The following ADCY9 variants were observed in gnomAD, a reference collection of about 807,000 sequenced individuals.
The protein encoded by ADCY9 is adenylate cyclase type 9.
Under a neutral mutation model 101.5 loss-of-function variants are expected in ADCY9, and 50 were observed. That is an observed-to-expected ratio of 0.49 (90% CI 0.39 to 0.62). ADCY9 has a LOEUF of 0.62. Ranked by LOEUF, ADCY9 falls within the 20% of genes least tolerant of loss-of-function variation. The probability of loss-of-function intolerance (pLI) is 0.00; values close to 1 mark genes in which losing one functional copy is unlikely to be tolerated. For missense variants in ADCY9, 1,662 were observed against 1,800.4 expected (o/e 0.92, Z 1.39); for synonymous variants, 905 against 769.3 (o/e 1.18, Z -2.92).
intron 2 of ADCY9, among the ~76,000 whole-genome samples, chr16:4,079,426 G>A (rs2056888073): frequency 6.6e-6 from 1 of 152,104 alleles, no homozygotes; most frequent in Admixed American, 6.5e-5. Flanking sequence ...AAAATTAGCT[G>A]GGTGTGGTGG....
chr16:4,060,774 G>A (rs1295904853), intron 2 of ADCY9, among the ~76,000 whole-genome samples: 7 of 152,070 alleles, frequency 4.6e-5, no homozygotes, highest in African/African-American at 7.2e-5. Context: ...TTGCTACAAC[G>A]TATTAACTAA....
At chr16:4,026,538 C>G (rs76593010) in intron 2 of ADCY9, among the ~76,000 whole-genome samples, 2 of 151,890 alleles carry the variant, frequency 1.3e-5, no homozygotes, top group African/African-American at 2.4e-5. Flanking sequence ...AAACGCTGTA[C>G]GCAAATGTTT....
At chr16:4,101,031 G>T (rs1051027139) in intron 2 of ADCY9, among the ~76,000 whole-genome samples, 2 of 152,188 alleles carry the variant, frequency 1.3e-5, no homozygotes, top group Non-Finnish European at 1.5e-5. Context: ...TATGTGCCAA[G>T]AACTTTTCTA....
intron 7 of ADCY9, among the ~76,000 whole-genome samples, chr16:3,979,890 G>C (rs1597140941): frequency 6.6e-6 from 1 of 152,394 alleles, no homozygotes; most frequent in East Asian, 1.9e-4. Context: ...GCTACAAACA[G>C]GGTGCTCTGT....
rs1296071919 is a variant in ADCY9, at chr16:3,977,474, C to T, written c.2828+8G>A. 2 of 1,554,070 alleles carry T rather than the reference C, an allele frequency of 1.3e-6. No individual in the cohort carries two copies. The highest frequency in any genetic ancestry group is 1.7e-6 in the Non-Finnish European group (2 of 1,149,032). On this transcript the variant is annotated splice_region_variant and intron_variant, in intron 9 of 10. Coordinates refer to ENST00000294016, the MANE Select transcript of ADCY9 (RefSeq NM_001116.4). ...CCCTGGTGCCCGCAAGCAGTGCTGG[C>T]CGCGTACCTGTCTGGGCACAGGGAG...
At position 3,966,486 on chromosome 16, in the gene ADCY9, C is replaced by G. The variant is rs371159341; in HGVS notation, c.3351G>C (p.Ala1117=). Residue 1117 remains alanine (A), a synonymous_variant, in exon 11 of 11, where the codon GCG becomes GCC. Transcript: ENST00000294016. ...IKTIGATYMA[A]SGLNTAQAQD... ...GGGCCTGCGCGGTGTTCAGCCCTGA[C>G]GCCGCCATGTACGTGGCTCCGATGG... 2.5e-6 allele frequency: 4 copies of G among 1,614,114 alleles called. No individual in the cohort carries two copies. Among genetic ancestry groups the G allele is most frequent in the African/African-American group, 1.3e-5 (1 of 75,030 alleles).
chr16:4,087,841 C>T (rs2056949229), intron 2 of ADCY9, among the ~76,000 whole-genome samples: 1 of 149,534 alleles, frequency 6.7e-6, no homozygotes, highest in African/African-American at 2.5e-5. Context: ...TCCTTCCTTC[C>T]TTCTTTCTCT....
intron 6 of ADCY9, among the ~76,000 whole-genome samples, chr16:3,988,321 C>T (rs1246772145): frequency 1.3e-5 from 2 of 151,856 alleles, no homozygotes; most frequent in Non-Finnish European, 2.9e-5. Flanking sequence ...GTGAAGGCCT[C>T]CTGGGCCCTT....
At chr16:4,039,210 C>G (rs1442873758) in intron 2 of ADCY9, among the ~76,000 whole-genome samples, 1 of 152,172 alleles carries the variant, frequency 6.6e-6, no homozygotes, top group African/African-American at 2.4e-5. Context: ...ACCCCCATCT[C>G]CCATGTCCTC....
chr16:3,988,039 A>C (rs2239306), intron 6 of ADCY9, among the ~76,000 whole-genome samples: 8,249 of 150,286 alleles, frequency 0.055, 299 homozygotes, highest in East Asian at 0.17. Context: ...TGGAGGCTGT[A>C]AGGAGGGGCT....
chr16:3,982,995 T>C (rs1053438856), intron 7 of ADCY9: 12 of 560,158 alleles, frequency 2.1e-5, no homozygotes, highest in Non-Finnish European at 3.8e-5. Flanking sequence ...CTGGCAGCGG[T>C]TGGGGCTGTG....
intron 2 of ADCY9, among the ~76,000 whole-genome samples, chr16:4,095,101 C>A (rs1385559528): frequency 6.7e-6 from 1 of 150,242 alleles, no homozygotes; most frequent in Non-Finnish European, 1.5e-5. Flanking sequence ...TTACCAGGTT[C>A]AAGCGATTCT....
At chr16:4,110,189 G>A (rs755337691) in intron 2 of ADCY9, among the ~76,000 whole-genome samples, 7 of 152,194 alleles carry the variant, frequency 4.6e-5, no homozygotes, top group Admixed American at 3.9e-4. Flanking sequence ...AAGTGGGGCC[G>A]AGCCCAAGAG....
chr16:4,082,715 CACGCACACACATGCACACCCACGCATGG>C (rs946081928), intron 2 of ADCY9, among the ~76,000 whole-genome samples: 5 of 151,258 alleles, frequency 3.3e-5, no homozygotes, highest in African/African-American at 1.2e-4. Context: ...CCCACGCATG[CACGCACACACATGCACACCCACGCATGG>C]ACGCACACGC....
chr16:4,084,719 G>A (rs2056926559), intron 2 of ADCY9, among the ~76,000 whole-genome samples: 1 of 151,570 alleles, frequency 6.6e-6, no homozygotes, highest in South Asian at 2.1e-4. Flanking sequence ...GAGTGAGACT[G>A]TCTCAAAAAC....
At chr16:4,043,692 A>AAAT (rs1210825899) in intron 2 of ADCY9, among the ~76,000 whole-genome samples, 2 of 152,092 alleles carry the variant, frequency 1.3e-5, no homozygotes, top group Non-Finnish European at 2.9e-5. Flanking sequence ...TACATCTCAA[A>AAAT]AATAATAATA....
chr16:3,981,179 C>T (rs1440004983), intron 7 of ADCY9, among the ~76,000 whole-genome samples: 1 of 152,204 alleles, frequency 6.6e-6, no homozygotes, highest in African/African-American at 2.4e-5. Flanking sequence ...GGTGCAGCAG[C>T]CACCACCTTC....
chr16:4,084,867 T>C (rs17794435), intron 2 of ADCY9, among the ~76,000 whole-genome samples: 2,055 of 152,282 alleles, frequency 0.013, 43 homozygotes, highest in Middle Eastern at 0.034. Flanking sequence ...CTGTGACTTC[T>C]TAAGTAACTA....
At chr16:4,018,393 A>T (rs892394991) in intron 2 of ADCY9, among the ~76,000 whole-genome samples, 2 of 152,040 alleles carry the variant, frequency 1.3e-5, no homozygotes, top group Admixed American at 1.3e-4. Flanking sequence ...TTGTGTTTTT[A>T]GTACAGTTGG....
Sources: allele counts gnomAD v4.1 joint callset (sites outside exome capture counted in the v4.1 genomes callset), GRCh38; gene constraint gnomAD v4.1.1; transcripts MANE v1.5; gene names NCBI Gene and HGNC (gene_info 2026-07-23, HGNC 2026-07-21).